The following TPP2 variants were observed in gnomAD, a reference collection of about 807,000 sequenced individuals.
The protein encoded by TPP2 is tripeptidyl peptidase 2, also known as tripeptidyl-peptidase 2.
In TPP2, 34 loss-of-function variants were observed where a neutral mutation model predicts 155.9. The ratio of observed to expected loss-of-function variants is 0.22; its 90% CI spans 0.17 to 0.29. The LOEUF (loss-of-function observed/expected upper bound fraction) is 0.29. Among genes scored for constraint, TPP2 ranks in the 10% least tolerant of loss-of-function variants. The probability of loss-of-function intolerance (pLI) is 1.00; values close to 1 mark genes in which losing one functional copy is unlikely to be tolerated. For missense variants in TPP2, 1,028 were observed against 1,522.3 expected (o/e 0.68, Z 5.40); for synonymous variants, 510 against 529.4 (o/e 0.96, Z 0.50).
At chr13:102,636,939 A>G in intron 13 of TPP2, 143 bp from the exon 14 acceptor site, 1 of 737,994 alleles carries the variant, frequency 1.4e-6, no homozygotes, top group Non-Finnish European at 2.1e-6. Context: ...AGATTATTTG[A>G]CTGTTTTATT....
intron 2 of TPP2, among the ~76,000 whole-genome samples, chr13:102,606,031 T>A (rs1879802417): frequency 6.6e-6 from 1 of 152,200 alleles, no homozygotes; most frequent in African/African-American, 2.4e-5. Flanking sequence ...CTACCAGCTT[T>A]GTCTTATTCT....
intron 5 of TPP2, 127 bp downstream of exon 5, chr13:102,618,973 A>G: frequency 2.4e-6 from 3 of 1,229,526 alleles, no homozygotes; most frequent in Non-Finnish European, 3.2e-6. Context: ...AAATCATTTA[A>G]GGGCCAAATT....
At chr13:102,627,266 CTA>C (rs1349560578) in intron 7 of TPP2, 100 bp downstream of exon 7, 2 of 1,158,100 alleles carry the variant, frequency 1.7e-6, no homozygotes, top group Non-Finnish European at 2.3e-6. Flanking sequence ...ATACATTGAA[CTA>C]TATATAGTGT....
chr13:102,607,515 C>G (rs960296568), intron 2 of TPP2: 35 of 211,146 alleles, frequency 1.7e-4, no homozygotes, highest in Non-Finnish European at 8.2e-5. Flanking sequence ...CTATGGTACT[C>G]TGAGAAGCTA....
intron 25 of TPP2, among the ~76,000 whole-genome samples, chr13:102,660,541 G>A (rs900706744): frequency 1.3e-5 from 2 of 152,172 alleles, no homozygotes; most frequent in Non-Finnish European, 2.9e-5. Context: ...TGGACCAGAA[G>A]ACTTAATATC....
intron 3 of TPP2, among the ~76,000 whole-genome samples, chr13:102,614,978 C>A (rs189504361): frequency 2.0e-5 from 3 of 152,234 alleles, no homozygotes; most frequent in Admixed American, 1.3e-4. Context: ...GTAGCTGATA[C>A]AAGTACCTAA....
intron 16 of TPP2, among the ~76,000 whole-genome samples, 170 bp from the exon 17 acceptor site, chr13:102,643,052 G>C (rs1882871989): frequency 6.6e-6 from 1 of 151,928 alleles, no homozygotes; most frequent in Admixed American, 6.6e-5. Flanking sequence ...TTAATATTTT[G>C]TTGATTCTTT....
At chr13:102,652,485 G>A (rs929487568) in intron 24 of TPP2, among the ~76,000 whole-genome samples, 1 of 118,002 alleles carries the variant, frequency 8.5e-6, no homozygotes, top group Non-Finnish European at 1.7e-5. Flanking sequence ...AAGCTTTCTG[G>A]TGAAGACGTG....
chr13:102,634,272 T>C (rs1882220485), intron 11 of TPP2, among the ~76,000 whole-genome samples, 174 bp downstream of exon 11: 2 of 152,210 alleles, frequency 1.3e-5, no homozygotes, highest in South Asian at 4.1e-4. Context: ...TATTCAGCAG[T>C]ATATTTGTTG....
intron 1 of TPP2, among the ~76,000 whole-genome samples, chr13:102,603,499 G>A (rs1376229356): frequency 6.6e-6 from 1 of 152,168 alleles, no homozygotes; most frequent in Non-Finnish European, 1.5e-5. Context: ...AACAACTGAA[G>A]AGATAAAGAA....
chr13:102,663,946 A>T (rs543036126), intron 26 of TPP2, among the ~76,000 whole-genome samples: 22 of 152,350 alleles, frequency 1.4e-4, no homozygotes, highest in Non-Finnish European at 2.8e-4. Context: ...ATTCTTGCTC[A>T]TGCTTGGTCA....
intron 2 of TPP2, among the ~76,000 whole-genome samples, chr13:102,605,211 T>C (rs2139414165): frequency 6.6e-6 from 1 of 152,322 alleles, no homozygotes; most frequent in South Asian, 2.1e-4. Context: ...GGGAAGTTTG[T>C]TTCCAAGCCT....
chr13:102,607,632 G>A (rs1879942136), intron 2 of TPP2: 3 of 447,498 alleles, frequency 6.7e-6, no homozygotes, highest in Non-Finnish European at 1.3e-5. Context: ...TGTCGCCCAG[G>A]TTGAAGTACA....
At chr13:102,674,585 A>G in intron 28 of TPP2, 95 bp downstream of exon 28, 1 of 1,248,064 alleles carries the variant, frequency 8.0e-7, no homozygotes, top group South Asian at 1.4e-5. Context: ...AAGAAGATAA[A>G]TGGAAAGAAT....
chr13:102,609,153 T>G (rs1880072065), intron 2 of TPP2, among the ~76,000 whole-genome samples: 1 of 152,158 alleles, frequency 6.6e-6, no homozygotes, highest in Non-Finnish European at 1.5e-5. Flanking sequence ...CAGACTCATT[T>G]TTATGTCTCA....
intron 2 of TPP2, among the ~76,000 whole-genome samples, chr13:102,609,348 A>G (rs1160610450): frequency 6.7e-6 from 1 of 149,016 alleles, no homozygotes; most frequent in African/African-American, 2.5e-5. Flanking sequence ...TCTTCTCATC[A>G]TGATAGAGCA....
intron 25 of TPP2, among the ~76,000 whole-genome samples, chr13:102,660,924 A>T (rs146930529): frequency 1.3e-5 from 2 of 152,310 alleles, no homozygotes; most frequent in East Asian, 3.9e-4. Context: ...GGGTGCTGGG[A>T]CTGGATAGCC....
intron 1 of TPP2, among the ~76,000 whole-genome samples, chr13:102,603,058 A>T (rs1456948456): frequency 6.6e-6 from 1 of 152,072 alleles, no homozygotes; most frequent in African/African-American, 2.4e-5. Context: ...TTATTTTCCC[A>T]CAAAAATGTG....
At chr13:102,641,660 G>A (rs555021850) in intron 16 of TPP2, among the ~76,000 whole-genome samples, 33 of 152,042 alleles carry the variant, frequency 2.2e-4, no homozygotes, top group Non-Finnish European at 4.0e-4. Flanking sequence ...GGTATCACAG[G>A]AAATACCAGA....
Sources: gnomAD v4.1 joint callset for allele counts (sites outside exome capture counted in the v4.1 genomes callset) on GRCh38, gnomAD v4.1.1 for gene constraint, MANE v1.5 for transcripts, NCBI Gene and HGNC (gene_info 2026-07-23, HGNC 2026-07-21) for gene names.